Variants in MDGA2 observed in about 807,000 individuals in gnomAD.
MDGA2 encodes the protein MAM domain containing glycosylphosphatidylinositol anchor 2, also known as MAM domain-containing glycosylphosphatidylinositol anchor protein 2.
In MDGA2, 40 loss-of-function variants were observed where a neutral mutation model predicts 117.8. That is an observed-to-expected ratio of 0.34 (90% CI 0.26 to 0.44). The LOEUF (loss-of-function observed/expected upper bound fraction) is 0.44. MDGA2 is among the 20% of genes least tolerant of loss of function. The pLI is 1.00. For missense variants in MDGA2, 1,123 were observed against 1,250.6 expected (o/e 0.90, Z 1.54); for synonymous variants, 452 against 439.0 (o/e 1.03, Z -0.37).
intron 1 of MDGA2, among the ~76,000 whole-genome samples, chr14:47,641,405 C>A (rs1309841423): frequency 1.3e-5 from 2 of 151,998 alleles, no homozygotes; most frequent in Non-Finnish European, 2.9e-5. Flanking sequence ...AGACATCTCA[C>A]CATTTCTGTT....
At chr14:47,242,483 GC>G (rs1887077923) in intron 2 of MDGA2, among the ~76,000 whole-genome samples, 1 of 151,846 alleles carries the variant, frequency 6.6e-6, no homozygotes, top group Non-Finnish European at 1.5e-5. Flanking sequence ...TGTGGCGCTT[GC>G]GGGGCAGCTG....
At chr14:46,984,008 G>A (rs1886777418) in intron 8 of MDGA2, among the ~76,000 whole-genome samples, 1 of 151,928 alleles carries the variant, frequency 6.6e-6, no homozygotes, top group Non-Finnish European at 1.5e-5. Context: ...AGTGCTGTAA[G>A]TATATTAGTA....
chr14:47,094,635 T>C (rs1417648430), intron 6 of MDGA2, among the ~76,000 whole-genome samples: 2 of 152,096 alleles, frequency 1.3e-5, no homozygotes, highest in East Asian at 1.9e-4. Context: ...ATTGTATTCA[T>C]GGCACTTAAG....
In MDGA2 at chr14:47,137,611, G is replaced by A. The variant is rs566331960; in HGVS notation, c.793-5765C>T. On this transcript the variant is annotated intron_variant, in intron 4 of 16. Transcript: ENST00000399232. ...AAGCAGCATGAAGCCCTCACCAGACGCAGATGCCACATCATGCTTCCTGTA... is the reference window on the plus strand; with the variant it reads ...AAGCAGCATGAAGCCCTCACCAGACACAGATGCCACATCATGCTTCCTGTA... Among the ~76,000 whole-genome samples, 5 of 152,190 alleles carry A rather than the reference G, an allele frequency of 3.3e-5. No individual in the cohort carries two copies. The East Asian group carries it at 5.8e-4, about 18-fold the overall frequency.
intron 1 of MDGA2, among the ~76,000 whole-genome samples, chr14:47,334,925 A>C (rs1455739416): frequency 1.3e-5 from 2 of 151,944 alleles, no homozygotes; most frequent in Non-Finnish European, 2.9e-5. Context: ...GGCTTTCCAG[A>C]TAAAACAATG....
At chr14:47,195,086 T>C (rs926012864) in intron 3 of MDGA2, among the ~76,000 whole-genome samples, 4 of 152,036 alleles carry the variant, frequency 2.6e-5, no homozygotes, top group African/African-American at 9.7e-5. Flanking sequence ...ATTCAGTGTA[T>C]CTGTTAAATA....
chr14:47,041,175 T>A (rs774624118), intron 7 of MDGA2, among the ~76,000 whole-genome samples: 1 of 152,088 alleles, frequency 6.6e-6, no homozygotes, highest in Non-Finnish European at 1.5e-5. Flanking sequence ...TGTGTGGGTG[T>A]GTGAAAAAGT....
intron 1 of MDGA2, among the ~76,000 whole-genome samples, chr14:47,562,244 G>C (rs1221742203): frequency 1.3e-5 from 2 of 152,168 alleles, no homozygotes; most frequent in African/African-American, 4.8e-5. Context: ...TGGCCTCATA[G>C]AGTGAGTTAG....
At chr14:47,001,898 A>G (rs969606018) in intron 8 of MDGA2, among the ~76,000 whole-genome samples, 1 of 152,026 alleles carries the variant, frequency 6.6e-6, no homozygotes, top group Non-Finnish European at 1.5e-5. Flanking sequence ...TGGAGTGGGG[A>G]GGGAGAGGGA....
intron 4 of MDGA2, among the ~76,000 whole-genome samples, chr14:47,134,851 C>T (rs569257331): frequency 1.4e-4 from 21 of 151,482 alleles, no homozygotes; most frequent in Admixed American, 2.0e-4. Flanking sequence ...GAAAGATTTA[C>T]TGCATGTAGT....
chr14:47,462,149 G>A (rs1256046931), intron 1 of MDGA2, among the ~76,000 whole-genome samples: 2 of 152,030 alleles, frequency 1.3e-5, no homozygotes, highest in African/African-American at 2.4e-5. Context: ...AGGCCGAGGC[G>A]GGTGGATCAC....
chr14:46,845,840 A>C lies in MDGA2; in HGVS notation c.2915T>G (p.Ile972Arg). The stretch of plus-strand genomic sequence containing the variant: ...ATCATCAATAGCAATGTCACCTTCT[A>C]TTCCAGGACCTCGGATACCTTCAAA... ...LIFEGIRGPG[I>R]EGDIAIDDVS... The change falls in exon 16 of 17, where the codon ATA becomes AGA. Residue 972 changes from isoleucine (I) to arginine (R), a missense_variant. Transcript: ENST00000399232. The C allele has an allele frequency of 6.2e-7, 1 of 1,613,480 alleles. No individual in the cohort carries two copies. Among genetic ancestry groups the C allele is most frequent in the African/African-American group, 1.3e-5 (1 of 75,036 alleles).
chr14:47,357,478 A>T (rs1356697701), intron 1 of MDGA2, among the ~76,000 whole-genome samples: 1 of 152,236 alleles, frequency 6.6e-6, no homozygotes, highest in Non-Finnish European at 1.5e-5. Context: ...AGGGAGGGGT[A>T]TATGCAGTCA....
chr14:47,051,142 T>C (rs1222592472), intron 7 of MDGA2, among the ~76,000 whole-genome samples: 2 of 151,968 alleles, frequency 1.3e-5, no homozygotes, highest in African/African-American at 4.8e-5. Context: ...GCTTTCATAC[T>C]GGATTTGAAA....
chr14:47,661,751 T>C (rs1353050501), intron 1 of MDGA2, among the ~76,000 whole-genome samples: 2 of 145,434 alleles, frequency 1.4e-5, no homozygotes, highest in Non-Finnish European at 3.0e-5. Context: ...AGTTTCTTTT[T>C]TTTTTTTTTT....
chr14:47,539,132 G>T (rs1487667622), intron 1 of MDGA2, among the ~76,000 whole-genome samples: 1 of 152,282 alleles, frequency 6.6e-6, no homozygotes, highest in African/African-American at 2.4e-5. Context: ...TCAGAGCATT[G>T]GAGCTTGCTC....
intron 4 of MDGA2, 94 bp from the exon 5 acceptor site, chr14:47,131,940 T>G: frequency 9.9e-7 from 1 of 1,008,220 alleles, no homozygotes; most frequent in East Asian, 2.7e-5. Flanking sequence ...TATTAAATCA[T>G]ATTATTATCA....
intron 6 of MDGA2, among the ~76,000 whole-genome samples, chr14:47,083,004 G>T (rs1057277273): frequency 1.4e-4 from 21 of 151,900 alleles, no homozygotes; most frequent in African/African-American, 5.1e-4. Context: ...CAAGAAGATG[G>T]AACAATAAGC....
intron 1 of MDGA2, among the ~76,000 whole-genome samples, chr14:47,363,531 T>G (rs1891170333): frequency 6.6e-6 from 1 of 152,146 alleles, no homozygotes; most frequent in Admixed American, 6.5e-5. Flanking sequence ...GTACTGAGAT[T>G]ACAGGAGTGA....
Sources: gnomAD v4.1 joint callset for allele counts (sites outside exome capture counted in the v4.1 genomes callset) on GRCh38, gnomAD v4.1.1 for gene constraint, MANE v1.5 for transcripts, NCBI Gene and HGNC (gene_info 2026-07-23, HGNC 2026-07-21) for gene names.